SORCS2: variants seen among roughly 807,000 people sequenced by gnomAD.
SORCS2 encodes VPS10 domain-containing receptor SorCS2.
A neutral mutation model predicts 141.6 loss-of-function variants in SORCS2; 100 were observed. The ratio of observed to expected loss-of-function variants is 0.71; its 90% CI spans 0.60 to 0.83. The LOEUF is 0.83. Among genes scored for constraint, SORCS2 ranks in the 40% least tolerant of loss-of-function variants. The probability of loss-of-function intolerance (pLI) is 0.00; values close to 1 mark genes in which losing one functional copy is unlikely to be tolerated. For synonymous variants in SORCS2, 789 were observed against 676.9 expected, an observed-to-expected ratio of 1.17 and a Z score of -2.57; for missense variants, 1,646 against 1,560.2, an observed-to-expected ratio of 1.05 and a Z score of -0.93.
At chr4:7,471,601 A>G (rs572105326) in intron 2 of SORCS2, among the ~76,000 whole-genome samples, 1 of 152,348 alleles carries the variant, frequency 6.6e-6, no homozygotes, top group Non-Finnish European at 1.5e-5. Flanking sequence ...TCCTGGACTC[A>G]TCAGAGCAAA....
chr4:7,426,864 T>A (rs1400412151), intron 2 of SORCS2, among the ~76,000 whole-genome samples: 1 of 152,186 alleles, frequency 6.6e-6, no homozygotes, highest in African/African-American at 2.4e-5. Flanking sequence ...CCTCCCAGAA[T>A]CCACATCTGC....
chr4:7,661,647 C>A (rs1722179613), intron 6 of SORCS2, 83 bp downstream of exon 6: 1 of 1,312,772 alleles, frequency 7.6e-7, no homozygotes, highest in Non-Finnish European at 1.1e-6. Flanking sequence ...TGTTCAGTCG[C>A]TTGTCCGCAA....
chr4:7,698,905 G>T (rs151158715), intron 12 of SORCS2, among the ~76,000 whole-genome samples: 82 of 152,086 alleles, frequency 5.4e-4, no homozygotes, highest in Middle Eastern at 3.2e-3. Context: ...GTCCAGGCAG[G>T]GGCAGAGTGG....
chr4:7,284,684 A>G (rs543493439), intron 1 of SORCS2, among the ~76,000 whole-genome samples: 63 of 152,296 alleles, frequency 4.1e-4, no homozygotes, highest in Admixed American at 8.5e-4. Flanking sequence ...CAGGCTGTTT[A>G]TGGCAGAGAT....
At chr4:7,403,660 C>CTAA in intron 2 of SORCS2, among the ~76,000 whole-genome samples, 1 of 152,100 alleles carries the variant, frequency 6.6e-6, no homozygotes, top group South Asian at 2.1e-4. Flanking sequence ...CTCTGATACA[C>CTAA]TAATACACAT....
chr4:7,653,629 G>A (rs1721570651), intron 4 of SORCS2, among the ~76,000 whole-genome samples: 1 of 152,176 alleles, frequency 6.6e-6, no homozygotes, highest in South Asian at 2.1e-4. Flanking sequence ...TAGGTCCCTG[G>A]GCGATGGCAC....
chr4:7,424,756 A>T (rs1339962951), intron 2 of SORCS2, among the ~76,000 whole-genome samples: 2 of 152,178 alleles, frequency 1.3e-5, no homozygotes, highest in Non-Finnish European at 2.9e-5. Context: ...TCTGCATGGG[A>T]GATCTCCTTA....
chr4:7,255,019 A>ATG (rs1395103185), intron 1 of SORCS2, among the ~76,000 whole-genome samples: 1 of 152,034 alleles, frequency 6.6e-6, no homozygotes, highest in East Asian at 1.9e-4. Flanking sequence ...GTATGTGAGC[A>ATG]TGTGTGTGAG....
intron 1 of SORCS2, among the ~76,000 whole-genome samples, chr4:7,309,227 G>A (rs2108916960): frequency 6.6e-6 from 1 of 152,304 alleles, no homozygotes; most frequent in Middle Eastern, 3.4e-3. Context: ...GCTCCAGAGA[G>A]GTTAAGTGAT....
At chr4:7,574,528 G>A (rs1715618305) in intron 3 of SORCS2, among the ~76,000 whole-genome samples, 1 of 152,076 alleles carries the variant, frequency 6.6e-6, no homozygotes, top group East Asian at 1.9e-4. Context: ...CAGCAGGTGG[G>A]ACCATGCCTC....
At chr4:7,553,095 C>A (rs4591607) in intron 3 of SORCS2, among the ~76,000 whole-genome samples, 13,112 of 151,848 alleles carry the variant, frequency 0.086, 638 homozygotes, top group African/African-American at 0.11. Context: ...GTGGAGGGGG[C>A]GCTAAGCAGG....
chr4:7,432,291 C>T (rs971634762), intron 2 of SORCS2: 4 of 152,048 alleles, frequency 2.6e-5, no homozygotes, highest in African/African-American at 9.7e-5. Flanking sequence ...ACAGCGCTTG[C>T]ACCGCCAGAC....
chr4:7,445,509 C>T (rs1159342628), intron 2 of SORCS2, among the ~76,000 whole-genome samples: 2 of 152,068 alleles, frequency 1.3e-5, no homozygotes, highest in East Asian at 1.9e-4. Context: ...GCCTGGGGCG[C>T]GGCAGCAGGT....
chr4:7,360,090 G>T (rs1313266728), intron 1 of SORCS2, among the ~76,000 whole-genome samples: 1 of 152,132 alleles, frequency 6.6e-6, no homozygotes, highest in Non-Finnish European at 1.5e-5. Context: ...TTTAACGAAG[G>T]CCCCTGAGGC....
rs115984330 is a variant in SORCS2, at chr4:7,583,926, C to T, written c.648+52297C>T. 8.1e-3 allele frequency among the ~76,000 whole-genome samples: 1,228 copies of T among 152,296 alleles called. 20 individuals are homozygous for T. The highest frequency in any genetic ancestry group is 0.028 in the African/African-American group (1,148 of 41,550). ...GGGGTCAGGAAGACCAGAGTCCTGC[C>T]TCTAATGTGCTACGTCTTATATGCA... is the stretch of plus-strand genomic sequence containing the variant. On this transcript the variant is annotated intron_variant, in intron 3 of 26. Coordinates refer to ENST00000507866, the MANE Select transcript of SORCS2 (RefSeq NM_020777.3).
chr4:7,538,204 T>C (rs903535225), intron 3 of SORCS2, among the ~76,000 whole-genome samples: 2 of 152,228 alleles, frequency 1.3e-5, no homozygotes, highest in African/African-American at 4.8e-5. Context: ...AGCAGCACTT[T>C]ATAGCTTCTT....
chr4:7,257,417 G>GT (rs1050847632), intron 1 of SORCS2, among the ~76,000 whole-genome samples: 13 of 152,158 alleles, frequency 8.5e-5, no homozygotes, highest in Non-Finnish European at 1.0e-4. Context: ...AGAAACCAGT[G>GT]TAAGTATGGA....
rs28494477 is a variant in SORCS2 at position 7,215,323 on chromosome 4, G to A, written c.480+22197G>A. Among the ~76,000 whole-genome samples, 338 of 152,330 alleles carry A rather than the reference G, an allele frequency of 2.2e-3. 2 individuals are homozygous for A. Among genetic ancestry groups the A allele is most frequent in the African/African-American group, 7.9e-3 (328 of 41,582 alleles). On this transcript the variant is annotated intron_variant, in intron 1 of 26. Transcript: ENST00000507866. ...GGTCCCCCAGCAGTGCCAGCCTACC[G>A]GCGCTGCGCTCGATTTCTCACCGGG... is the stretch of plus-strand genomic sequence containing the variant.
chr4:7,424,298 C>G (rs116742200), intron 2 of SORCS2, among the ~76,000 whole-genome samples: 4,265 of 152,300 alleles, frequency 0.028, 178 homozygotes, highest in African/African-American at 0.098. Context: ...GTAGATCCTT[C>G]AGGAAACCCC....
Sources: allele counts gnomAD v4.1 joint callset (sites outside exome capture counted in the v4.1 genomes callset), GRCh38; gene constraint gnomAD v4.1.1; transcripts MANE v1.5; gene names NCBI Gene and HGNC (gene_info 2026-07-23, HGNC 2026-07-21).